COL26A1: variants seen among roughly 807,000 people sequenced by gnomAD.
COL26A1 encodes the protein collagen alpha-1(XXVI) chain.
In COL26A1, 41 loss-of-function variants were observed where a neutral mutation model predicts 59.3. The observed-to-expected ratio is 0.69, with a 90% CI of 0.54 to 0.90. The LOEUF (loss-of-function observed/expected upper bound fraction) is 0.90. Ranked by LOEUF, COL26A1 falls within the 40% of genes least tolerant of loss-of-function variation. COL26A1 has a pLI of 0.00. For synonymous variants in COL26A1, 266 were observed against 256.0 expected (o/e 1.04, Z -0.37); for missense variants, 612 against 602.3 (o/e 1.02, Z -0.17).
intron 3 of COL26A1, among the ~76,000 whole-genome samples, chr7:101,512,616 T>C (rs1417399811): frequency 1.3e-5 from 2 of 152,140 alleles, no homozygotes; most frequent in Admixed American, 1.3e-4. Flanking sequence ...AGCAAGACCC[T>C]GTCTCAAAAA....
In COL26A1 at chr7:101,364,948, A is replaced by G. The variant is rs561269770; in HGVS notation, c.158+1758A>G. Among the ~76,000 whole-genome samples, 4 of 152,252 alleles carry G rather than the reference A, an allele frequency of 2.6e-5. 1 individual carries two copies. In the South Asian group the frequency reaches 8.3e-4, roughly 32 times the overall value. ...TCCTAGTTCTTTTTTTCTCCTTGAT[A>G]TTTACCAAATCAGAGGACTCCAAGA... is the stretch of plus-strand genomic sequence containing the variant. On this transcript the variant is annotated intron_variant, in intron 1 of 12. Transcript: ENST00000313669.
intron 3 of COL26A1, among the ~76,000 whole-genome samples, chr7:101,463,785 C>CT (rs1793680662): frequency 1.8e-5 from 2 of 110,582 alleles, no homozygotes; most frequent in African/African-American, 7.0e-5. Flanking sequence ...TTCTTTCTTT[C>CT]TTCCTTTCTT....
intron 1 of COL26A1, among the ~76,000 whole-genome samples, chr7:101,369,856 T>A (rs1210703958): frequency 6.6e-6 from 1 of 151,902 alleles, no homozygotes; most frequent in Non-Finnish European, 1.5e-5. Flanking sequence ...GTCCATTTTA[T>A]TTTATTTTAT....
At chr7:101,540,805 G>T (rs1795598718) in intron 5 of COL26A1, among the ~76,000 whole-genome samples, 1 of 152,040 alleles carries the variant, frequency 6.6e-6, no homozygotes, top group African/African-American at 2.4e-5. Flanking sequence ...TCATGCCACT[G>T]CAATCCAGCC....
At chr7:101,500,208 T>TA (rs1794672606) in intron 3 of COL26A1, among the ~76,000 whole-genome samples, 1 of 152,150 alleles carries the variant, frequency 6.6e-6, no homozygotes, top group Admixed American at 6.5e-5. Flanking sequence ...CCACCCTTCC[T>TA]AGCCTTTCCA....
chr7:101,501,110 G>A (rs1794695051), intron 3 of COL26A1, among the ~76,000 whole-genome samples: 1 of 148,898 alleles, frequency 6.7e-6, no homozygotes, highest in Non-Finnish European at 1.5e-5. Flanking sequence ...CGCTTGTACT[G>A]GGAAGGCGGA....
At chr7:101,538,944 G>A (rs1251362577) in intron 4 of COL26A1, among the ~76,000 whole-genome samples, 1 of 152,208 alleles carries the variant, frequency 6.6e-6, no homozygotes, top group Non-Finnish European at 1.5e-5. Flanking sequence ...GTTCCCAGCA[G>A]GGATCTCCAC....
chr7:101,443,711 G>T (rs1793115909), intron 2 of COL26A1, among the ~76,000 whole-genome samples: 1 of 152,038 alleles, frequency 6.6e-6, no homozygotes, highest in African/African-American at 2.4e-5. Context: ...TTCTTGGAGT[G>T]TGACAAAAAA....
At chr7:101,538,891 C>T (rs1334401861) in intron 4 of COL26A1, among the ~76,000 whole-genome samples, 1 of 152,228 alleles carries the variant, frequency 6.6e-6, no homozygotes, top group Admixed American at 6.5e-5. Context: ...CTCAGCTCAG[C>T]CCAGCAGGTC....
intron 9 of COL26A1, 90 bp from the exon 10 acceptor site, chr7:101,551,018 G>A (rs887696650): frequency 2.6e-5 from 36 of 1,389,320 alleles, no homozygotes; most frequent in Admixed American, 2.6e-4. Context: ...CAGACTCAGA[G>A]CACAGTGGGC....
At chr7:101,508,517 C>CAA (rs58872805) in intron 3 of COL26A1, among the ~76,000 whole-genome samples, 3 of 127,632 alleles carry the variant, frequency 2.4e-5, no homozygotes, top group Admixed American at 7.9e-5. Context: ...AAAACCCTGT[C>CAA]AAAAAAAAAA....
intron 2 of COL26A1, among the ~76,000 whole-genome samples, chr7:101,430,031 G>T (rs2130313147): frequency 6.6e-6 from 1 of 152,158 alleles, no homozygotes; most frequent in Admixed American, 6.6e-5. Context: ...TATCTATTTG[G>T]GGAGAATTGG....
intron 3 of COL26A1, among the ~76,000 whole-genome samples, chr7:101,469,132 G>C (rs1262736729): frequency 6.6e-6 from 1 of 152,174 alleles, no homozygotes; most frequent in East Asian, 1.9e-4. Context: ...GGGGCCCTGG[G>C]GACACTGTAG....
At chr7:101,501,814 CTA>C (rs1199208355) in intron 3 of COL26A1, among the ~76,000 whole-genome samples, 1 of 152,104 alleles carries the variant, frequency 6.6e-6, no homozygotes, top group Non-Finnish European at 1.5e-5. Flanking sequence ...CAAGCGTGGA[CTA>C]TGTGTGCAAA....
At chr7:101,532,609 G>A (rs1254518834) in intron 3 of COL26A1, among the ~76,000 whole-genome samples, 1 of 152,054 alleles carries the variant, frequency 6.6e-6, no homozygotes, top group East Asian at 1.9e-4. Flanking sequence ...CTCCTTGATT[G>A]TCCCCCTGAT....
chr7:101,509,076 G>A (rs1487628872), intron 3 of COL26A1, among the ~76,000 whole-genome samples: 1 of 152,176 alleles, frequency 6.6e-6, no homozygotes, highest in Non-Finnish European at 1.5e-5. Context: ...GTGGCAGAAG[G>A]TGAAGGGGGA....
intron 3 of COL26A1, among the ~76,000 whole-genome samples, chr7:101,506,260 A>G (rs1335050134): frequency 6.6e-6 from 1 of 152,212 alleles, no homozygotes; most frequent in Non-Finnish European, 1.5e-5. Flanking sequence ...CCCTACTGTC[A>G]CTGGCATATT....
chr7:101,539,957 G>A lies in COL26A1; in HGVS notation c.512G>A (p.Ser171Asn), dbSNP rs777275805. Residue 171 changes from serine to asparagine, a missense_variant, in exon 5 of 13, where the codon AGC (serine) becomes AAC (asparagine). Transcript: ENST00000313669. ...GACAACGACCTGCCAGCCCCCGAGA[G>A]CACTCCGCCGACCTGGAATGAGGAC... is the stretch of plus-strand genomic sequence containing the variant. Reference protein sequence around the residue: ...SPDNDLPAPESTPPTWNEDFL... With the variant: ...SPDNDLPAPENTPPTWNEDFL... 1 of 1,613,624 alleles carries A rather than the reference G, an allele frequency of 6.2e-7. No homozygotes were observed. Among genetic ancestry groups the A allele is most frequent in the South Asian group, 1.1e-5 (1 of 91,040 alleles).
chr7:101,485,170 C>T (rs1193902410), intron 3 of COL26A1, among the ~76,000 whole-genome samples: 1 of 152,116 alleles, frequency 6.6e-6, no homozygotes, highest in East Asian at 1.9e-4. Context: ...TATATTTCTA[C>T]CGGGGGAGAG....
Sources: allele counts gnomAD v4.1 joint callset (sites outside exome capture counted in the v4.1 genomes callset), GRCh38; gene constraint gnomAD v4.1.1; transcripts MANE v1.5; gene names NCBI Gene and HGNC (gene_info 2026-07-23, HGNC 2026-07-21).